The following LRRC47 variants were observed in gnomAD, a reference collection of about 807,000 sequenced individuals.
LRRC47 encodes leucine rich repeat containing 47.
In LRRC47, 31 loss-of-function variants were observed where a neutral mutation model predicts 40.9. That is an observed-to-expected ratio of 0.76 (90% CI 0.57 to 1.02). LRRC47 has a LOEUF of 1.02. Among genes scored for constraint, LRRC47 ranks in the 50% least tolerant of loss-of-function variants. LRRC47 has a pLI of 0.00. For missense variants in LRRC47, 726 were observed against 796.1 expected, an observed-to-expected ratio of 0.91 and a Z score of 1.06; for synonymous variants, 427 against 371.9, an observed-to-expected ratio of 1.15 and a Z score of -1.70.
At chr1:3,789,850 G>A (rs77748969) in intron 1 of LRRC47, among the ~76,000 whole-genome samples, 3,230 of 152,324 alleles carry the variant, frequency 0.021, 73 homozygotes, top group East Asian at 0.1. Context: ...ACCCAGTGGC[G>A]GCCTCAGCAG....
At position 3,781,546 on chromosome 1, in the gene LRRC47, T is replaced by C; in HGVS notation, c.1469A>G (p.Gln490Arg). 1 of 1,613,998 alleles carries C rather than the reference T, an allele frequency of 6.2e-7. No individual in the cohort carries two copies. Among genetic ancestry groups the C allele is most frequent in the Non-Finnish European group, 8.5e-7 (1 of 1,179,984 alleles). Reference protein sequence around the residue: ...FLEVTSATSLQICKDVMDALI... With the variant: ...FLEVTSATSLRICKDVMDALI... Reference sequence around the variant, plus strand: ...GGCATCCATGACATCCTTGCAAATCTGCAGACTGGTGGCACTTGTTACTTC... The same window carrying C: ...GGCATCCATGACATCCTTGCAAATCCGCAGACTGGTGGCACTTGTTACTTC... Residue 490 changes from glutamine to arginine, a missense_variant, in exon 6 of 7, where the codon CAG becomes CGG. By Grantham distance (43) the Gln-to-Arg change is conservative (BLOSUM62 1). Transcript: ENST00000378251.
rs367785128 is a variant in LRRC47 at position 3,785,986 on chromosome 1, C to T, written c.1078-783G>A. ...CCAGGTTCAAGTGATTCTCCTGCCTCGGCCTCCCCAGTAGCTGGGATTAAA... is the reference window on the plus strand; with the variant it reads ...CCAGGTTCAAGTGATTCTCCTGCCTTGGCCTCCCCAGTAGCTGGGATTAAA... On this transcript the variant is annotated intron_variant, in intron 2 of 6. Coordinates refer to ENST00000378251, the MANE Select transcript of LRRC47 (RefSeq NM_020710.3). Among the ~76,000 whole-genome samples the T allele has an allele frequency of 1.4e-4, 21 of 151,892 alleles. No homozygotes were observed. The East Asian group carries it at 2.3e-3, about 17-fold the overall frequency.
intron 1 of LRRC47, among the ~76,000 whole-genome samples, chr1:3,789,907 G>A (rs956807288): frequency 3.3e-5 from 5 of 152,184 alleles, no homozygotes; most frequent in African/African-American, 9.7e-5. Flanking sequence ...TGAGGGTGGC[G>A]TCAGTTTTCA....
rs906300617 is a variant in LRRC47 at position 3,796,494 on chromosome 1, C to G, written c.-18G>C. 2 of 1,495,130 alleles carry G rather than the reference C, an allele frequency of 1.3e-6. No individual in the cohort carries two copies. The highest frequency in any genetic ancestry group is 1.8e-6 in the Non-Finnish European group (2 of 1,131,364). The allele number at this position is 1,495,130 out of a possible 1,614,324, so 92.6% of individuals were successfully genotyped here. On this transcript the variant is annotated 5_prime_UTR_variant, in exon 1 of 7. Coordinates refer to ENST00000378251, the MANE Select transcript of LRRC47 (RefSeq NM_020710.3). ...GCCGCCATGGCGCCTCAGCTGCTGG[C>G]AGGCACCCACCCACCAGGGTGCTTC...
intron 4 of LRRC47, 114 bp from the exon 5 acceptor site, chr1:3,782,877 A>G: frequency 1.4e-6 from 1 of 714,814 alleles, no homozygotes; most frequent in South Asian, 1.6e-5. Flanking sequence ...GGAGGGCTGC[A>G]TGGGCCCAGG....
intron 5 of LRRC47, 61 bp downstream of exon 5, chr1:3,782,600 G>C: frequency 2.0e-6 from 2 of 1,010,098 alleles, no homozygotes; most frequent in East Asian, 2.4e-5. Context: ...CCGCAGACTT[G>C]TGTTAATTCT....
chr1:3,789,748 G>A (rs1264593521), intron 1 of LRRC47, among the ~76,000 whole-genome samples: 1 of 152,258 alleles, frequency 6.6e-6, no homozygotes, highest in Non-Finnish European at 1.5e-5. Flanking sequence ...ATCTGGGTGG[G>A]GCGCAAAGCC....
chr1:3,794,543 A>G (rs967564465), intron 1 of LRRC47, among the ~76,000 whole-genome samples: 1 of 151,754 alleles, frequency 6.6e-6, no homozygotes, highest in Non-Finnish European at 1.5e-5. Context: ...ATGGGGTTTC[A>G]CCATGTTGGC....
At position 3,786,520 on chromosome 1, in the gene LRRC47, C is replaced by G. The variant is rs557670399; in HGVS notation, c.1077+329G>C. On this transcript the variant is annotated intron_variant, in intron 2 of 6. Transcript: ENST00000378251. ...TTAAAAAAAAAAAATCAGGATAAAC[C>G]GTTAACACCATATGTGGAGGAGCAA... 2.6e-5 allele frequency among the ~76,000 whole-genome samples: 4 copies of G among 152,110 alleles called. 1 individual carries two copies. In the South Asian group the frequency reaches 8.3e-4, roughly 32 times the overall value.
intron 5 of LRRC47, 49 bp from the exon 6 acceptor site, chr1:3,781,650 A>G (rs1389473767): frequency 7.1e-7 from 1 of 1,418,222 alleles, no homozygotes; most frequent in African/African-American, 1.4e-5. Flanking sequence ...AAATGTAGAC[A>G]TCAGCAACTG....
intron 2 of LRRC47, among the ~76,000 whole-genome samples, chr1:3,785,896 G>A (rs1643567700): frequency 6.7e-6 from 1 of 148,484 alleles, no homozygotes; most frequent in South Asian, 2.1e-4. Flanking sequence ...TTGAGATGGA[G>A]TCTTGCTGTG....
chr1:3,791,001 G>C (rs1474814180), intron 1 of LRRC47, among the ~76,000 whole-genome samples: 18 of 152,256 alleles, frequency 1.2e-4, no homozygotes, highest in Admixed American at 1.2e-3. Flanking sequence ...CAGGAAGCAT[G>C]TTCCAGGTTG....
chr1:3,795,385 C>A (rs1047335370), intron 1 of LRRC47, among the ~76,000 whole-genome samples: 7 of 152,198 alleles, frequency 4.6e-5, no homozygotes, highest in African/African-American at 1.7e-4. Context: ...ACAGGAATAA[C>A]CACCCCTACC....
intron 1 of LRRC47, among the ~76,000 whole-genome samples, chr1:3,792,375 GAC>G (rs1643634355): frequency 1.3e-5 from 2 of 152,012 alleles, no homozygotes; most frequent in African/African-American, 2.4e-5. Flanking sequence ...TAGAAAACAA[GAC>G]ACACTCTTTG....
At position 3,795,986 on chromosome 1, in the gene LRRC47, C is replaced by A; in HGVS notation, c.491G>T (p.Cys164Phe). Reference protein sequence around the residue: ...RLQSLNLTGNCLDSFPAELFR... With the variant: ...RLQSLNLTGNFLDSFPAELFR... ...GAGCTCGGCGGGAAAGGAGTCTAGG[C>A]AATTGCCGGTGAGGTTGAGGCTCTG... The change falls in exon 1 of 7, where the codon TGC (cysteine) becomes TTC (phenylalanine). Residue 164 changes from cysteine (C) to phenylalanine (F), a missense_variant. By Grantham distance (205) the Cys-to-Phe change is radical. Transcript: ENST00000378251. 1 of 1,574,028 alleles carries A rather than the reference C, an allele frequency of 6.4e-7. No homozygotes were observed. Among genetic ancestry groups the A allele is most frequent in the Non-Finnish European group, 8.6e-7 (1 of 1,161,560 alleles).
intron 5 of LRRC47, among the ~76,000 whole-genome samples, chr1:3,781,975 ATC>A (rs1643524573): frequency 6.6e-6 from 1 of 152,120 alleles, no homozygotes; most frequent in South Asian, 2.1e-4. Flanking sequence ...AGCAAGACCT[ATC>A]TCAATCAATC....
At position 3,784,031 on chromosome 1, in the gene LRRC47, C is replaced by T; in HGVS notation, c.1275G>A (p.Lys425=). 6.2e-7 allele frequency: 1 copy of T among 1,611,858 alleles called. No homozygotes were observed. The highest frequency in any genetic ancestry group is 8.5e-7 in the Non-Finnish European group (1 of 1,179,858). Residue 425 remains lysine, a synonymous_variant, in exon 4 of 7, where the codon AAG becomes AAA. Coordinates refer to ENST00000378251, the MANE Select transcript of LRRC47 (RefSeq NM_020710.3). ...QLQLEAEEQR[K]QKKRQSVSGL... is the part of the protein sequence containing the mutation. ...CCGACACACTCTGCCGCTTCTTCTG[C>T]TTCCTCTGCTCCTCGGCCTCCAGCT...
rs1409007468 is a variant in LRRC47 at position 3,780,020 on chromosome 1, C to T, written c.*1068G>A. ...GAGAACCCAACGCCCTTGCACATGC[C>T]AAGCTGCATCCTGGCATGATATGGT... On this transcript the variant is annotated 3_prime_UTR_variant, in exon 7 of 7. Coordinates refer to ENST00000378251, the MANE Select transcript of LRRC47 (RefSeq NM_020710.3). 1 of 152,174 alleles carries T rather than the reference C, an allele frequency of 6.6e-6. No individual in the cohort carries two copies. The highest frequency in any genetic ancestry group is 1.5e-5 in the Non-Finnish European group (1 of 68,030). The allele number at this position is 152,174 out of a possible 1,614,324, so 9.4% of individuals were successfully genotyped here.
In LRRC47 at chr1:3,786,851, G is replaced by T; in HGVS notation, c.1075C>A (p.Gln359Lys). Residue 359 changes from glutamine (Q) to lysine (K), a missense_variant and splice_region_variant, in exon 2 of 7, where the codon CAG (glutamine) becomes AAG (lysine). Gln to Lys is a moderately conservative substitution (Grantham distance 53). Coordinates refer to ENST00000378251, the MANE Select transcript of LRRC47 (RefSeq NM_020710.3). Reference protein sequence around the residue: ...GNALKRFLTSQTKLHEDLCEK... With the variant: ...GNALKRFLTSKTKLHEDLCEK... ...TGAGGACCCCCACGGGCACCCACCT[G>T]CGAGGTGAGGAAGCGCTTGAGTGCA... is the stretch of plus-strand genomic sequence containing the variant. 1 of 1,585,776 alleles carries T rather than the reference G, an allele frequency of 6.3e-7. No homozygotes were observed. The highest frequency in any genetic ancestry group is 2.3e-5 in the East Asian group (1 of 43,372).
Sources: allele counts gnomAD v4.1 joint callset (sites outside exome capture counted in the v4.1 genomes callset), GRCh38; gene constraint gnomAD v4.1.1; transcripts MANE v1.5; gene names NCBI Gene and HGNC (gene_info 2026-07-23, HGNC 2026-07-21).